Variants in MTMR8 observed in about 807,000 individuals in gnomAD.
MTMR8 encodes the protein myotubularin related protein 8, also known as phosphatidylinositol-3,5-bisphosphate 3-phosphatase MTMR8.
Under a neutral mutation model 39.3 loss-of-function variants are expected in MTMR8, and 65 were observed. The observed-to-expected ratio is 1.65, with a 90% CI of 1.35 to 2.03. The LOEUF is 2.03. Among genes scored for constraint, MTMR8 ranks in the 30% most tolerant of loss-of-function variants. MTMR8 has a pLI of 0.00. For synonymous variants in MTMR8, 245 were observed against 185.2 expected (o/e 1.32, Z -2.62); for missense variants, 777 against 538.9 (o/e 1.44, Z -4.37).
intron 12 of MTMR8, among the ~76,000 whole-genome samples, chrX:64,308,563 A>G (rs1210686759): frequency 9.1e-6 from 1 of 110,465 alleles, no homozygotes; most frequent in Non-Finnish European, 1.9e-5. Context: ...AGTTATACCT[A>G]TATTTTTCTG....
At chrX:64,277,424 T>C (rs1021128844) in intron 12 of MTMR8, among the ~76,000 whole-genome samples, 2 of 112,202 alleles carry the variant, frequency 1.8e-5, no homozygotes, top group Admixed American at 9.5e-5. Flanking sequence ...TCAGGAGCTC[T>C]TGTAAGGCAG....
chrX:64,357,956 C>A (rs1431173979), intron 2 of MTMR8, among the ~76,000 whole-genome samples: 3 of 111,201 alleles, frequency 2.7e-5, no homozygotes, highest in Admixed American at 1.9e-4. Context: ...GGAAGAACTT[C>A]CCTAATTGGG....
intron 13 of MTMR8, among the ~76,000 whole-genome samples, chrX:64,269,734 C>A (rs1027434727): frequency 1.4e-4 from 16 of 110,598 alleles, no homozygotes; most frequent in African/African-American, 5.3e-4. Context: ...TTAAACTTTT[C>A]ATTTTTTACC....
At chrX:64,387,033 G>A (rs1009162591) in intron 1 of MTMR8, among the ~76,000 whole-genome samples, 18 of 111,441 alleles carry the variant, frequency 1.6e-4, no homozygotes, top group Admixed American at 1.3e-3. Context: ...CAGCCCAGGC[G>A]ACAGAGCAAG....
intron 1 of MTMR8, among the ~76,000 whole-genome samples, chrX:64,391,352 C>T (rs1439396397): frequency 1.8e-5 from 2 of 112,148 alleles, no homozygotes; most frequent in Non-Finnish European, 3.8e-5. Flanking sequence ...TATCCTTGTC[C>T]TTGATTAAAG....
intron 12 of MTMR8, among the ~76,000 whole-genome samples, chrX:64,286,490 C>A (rs758481723): frequency 7.4e-4 from 83 of 111,737 alleles, no homozygotes; most frequent in African/African-American, 2.7e-3. Flanking sequence ...GATATCAAAG[C>A]CTGGCAGAGA....
chrX:64,329,313 CT>C (rs1357321604), intron 11 of MTMR8, among the ~76,000 whole-genome samples: 2 of 111,285 alleles, frequency 1.8e-5, no homozygotes, highest in East Asian at 5.7e-4. Flanking sequence ...TCTGGAATTG[CT>C]TTTACAAGTC....
At chrX:64,314,919 G>A (rs1267148373) in intron 12 of MTMR8, among the ~76,000 whole-genome samples, 1 of 111,591 alleles carries the variant, frequency 9.0e-6, no homozygotes, top group Non-Finnish European at 1.9e-5. Flanking sequence ...ATGTGGCCAG[G>A]CTGGGGCCCT....
At chrX:64,337,234 A>G (rs755888267) in intron 9 of MTMR8, 34 bp downstream of exon 9, 29 of 1,179,038 alleles carry the variant, frequency 2.5e-5, no homozygotes, top group Admixed American at 2.5e-5. Flanking sequence ...TCTGTCTCTT[A>G]CACAAAGTAA....
rs377534038 is a variant in MTMR8, at chrX:64,343,585, C to T, written c.975+26G>A. The T allele has an allele frequency of 4.9e-6, 5 of 1,013,838 alleles. No homozygotes were observed. The African/African-American group carries it at 5.7e-5, about 11-fold the overall frequency. 83.6% of individuals were successfully genotyped at this position (1,013,838 alleles called of 1,213,427 possible). ...ATATATCCCATAATTAAAGTCAGTG[C>T]AAATTTTAAAAGTCCTGATTATTAC... On this transcript the variant is annotated intron_variant, in intron 8 of 13. Transcript: ENST00000374852.
chrX:64,341,329 A>G (rs187694719), intron 8 of MTMR8, among the ~76,000 whole-genome samples: 1 of 110,408 alleles, frequency 9.1e-6, no homozygotes, highest in African/African-American at 3.3e-5. Flanking sequence ...AAATACAAAA[A>G]TTAGTCAGGC....
At chrX:64,334,432 C>G (rs1923020078) in intron 10 of MTMR8, among the ~76,000 whole-genome samples, 1 of 109,202 alleles carries the variant, frequency 9.2e-6, no homozygotes, top group Non-Finnish European at 1.9e-5. Context: ...AATTCAGCCC[C>G]TTGCCACCAA....
chrX:64,393,762 C>T (rs1469606768), intron 1 of MTMR8, among the ~76,000 whole-genome samples: 2 of 111,670 alleles, frequency 1.8e-5, no homozygotes, highest in Non-Finnish European at 3.8e-5. Flanking sequence ...AGAGAAAGGC[C>T]CTGAAGAGGA....
At chrX:64,370,018 C>T (rs959163945) in intron 1 of MTMR8, among the ~76,000 whole-genome samples, 3 of 110,951 alleles carry the variant, frequency 2.7e-5, no homozygotes, top group East Asian at 2.8e-4. Flanking sequence ...TCACATTAAT[C>T]ATATTAGAAT....
intron 12 of MTMR8, among the ~76,000 whole-genome samples, chrX:64,273,958 A>C (rs1931818632): frequency 8.9e-6 from 1 of 111,898 alleles, no homozygotes; most frequent in Non-Finnish European, 1.9e-5. Context: ...AAATATGTAA[A>C]GCAAACACTG....
intron 1 of MTMR8, among the ~76,000 whole-genome samples, chrX:64,383,731 A>T (rs968426321): frequency 7.2e-5 from 8 of 110,845 alleles, no homozygotes; most frequent in African/African-American, 2.6e-4. Context: ...CTCATGAGAG[A>T]TGCACCCCCA....
intron 6 of MTMR8, among the ~76,000 whole-genome samples, chrX:64,346,882 AGATGTAATATTTATT>A (rs761058598): frequency 3.4e-4 from 38 of 111,474 alleles, no homozygotes; most frequent in African/African-American, 1.2e-3. Context: ...GCAGAATGTC[AGATGTAATATTTATT>A]GTAATGTAAT....
chrX:64,378,012 A>T (rs932261005), intron 1 of MTMR8, among the ~76,000 whole-genome samples: 1 of 111,392 alleles, frequency 9.0e-6, no homozygotes, highest in Non-Finnish European at 1.9e-5. Context: ...CCATGTGAAG[A>T]TGTGCTTGCT....
chrX:64,305,105 G>T, intron 12 of MTMR8: 1 of 214,891 alleles, frequency 4.7e-6, no homozygotes, highest in South Asian at 7.9e-5. Context: ...GTTCCACCTT[G>T]AATTGCCTCT....
Sources: allele counts gnomAD v4.1 joint callset (sites outside exome capture counted in the v4.1 genomes callset), GRCh38; gene constraint gnomAD v4.1.1; transcripts MANE v1.5; gene names NCBI Gene and HGNC (gene_info 2026-07-23, HGNC 2026-07-21).